The following COL21A1 variants were observed in gnomAD, a reference collection of about 807,000 sequenced individuals.
The protein encoded by COL21A1 is collagen type XXI alpha 1 chain.
Under a neutral mutation model 137.9 loss-of-function variants are expected in COL21A1, and 149 were observed. That is an observed-to-expected ratio of 1.08 (90% CI 0.95 to 1.24). COL21A1 has a LOEUF of 1.24. Among genes scored for constraint, COL21A1 ranks in the 50% most tolerant of loss-of-function variants. The pLI, the probability that COL21A1 is intolerant of heterozygous loss-of-function variation, is 0.00. For synonymous variants in COL21A1, 456 were observed against 391.5 expected (o/e 1.16, Z -1.95); for missense variants, 1,167 against 1,158.4 (o/e 1.01, Z -0.11).
At chr6:56,386,196 AC>A (rs1370841253) in intron 1 of COL21A1, among the ~76,000 whole-genome samples, 1 of 152,096 alleles carries the variant, frequency 6.6e-6, no homozygotes, top group African/African-American at 2.4e-5. Context: ...CAATCTGCCC[AC>A]CTCAGCCTGT....
chr6:56,345,365 C>CAT (rs34728216), intron 1 of COL21A1, among the ~76,000 whole-genome samples: 33,629 of 152,066 alleles, frequency 0.22, 5,478 homozygotes, highest in East Asian at 0.72. Flanking sequence ...GAGGGTCTAT[C>CAT]ATATACCAAG....
rs550884532 is a variant in COL21A1, at chr6:56,127,649, C to T, written c.1543-1500G>A. On this transcript the variant is annotated intron_variant, in intron 12 of 29. Coordinates refer to ENST00000244728, the MANE Select transcript of COL21A1 (RefSeq NM_030820.4). ...GATAATTTAGAATTTTTAAATCAGA[C>T]GTTTGAAGGCTCTGCTTCACTCAGT... 3.3e-5 allele frequency among the ~76,000 whole-genome samples: 5 copies of T among 152,230 alleles called. No individual in the cohort carries two copies. The East Asian group carries it at 9.6e-4, about 29-fold the overall frequency.
chr6:56,095,672 C>T (rs1020481730), intron 17 of COL21A1, among the ~76,000 whole-genome samples: 9 of 152,128 alleles, frequency 5.9e-5, no homozygotes, highest in African/African-American at 1.9e-4. Context: ...CTTTCTTCTG[C>T]CTCTATATTT....
chr6:56,379,546 A>ATC (rs2094005344), intron 1 of COL21A1, among the ~76,000 whole-genome samples: 1 of 152,224 alleles, frequency 6.6e-6, no homozygotes, highest in Non-Finnish European at 1.5e-5. Flanking sequence ...GAGAAGTAGG[A>ATC]TAAAGCAATA....
At chr6:56,178,080 C>G (rs1005347802) in intron 3 of COL21A1, among the ~76,000 whole-genome samples, 1 of 151,892 alleles carries the variant, frequency 6.6e-6, no homozygotes, top group Non-Finnish European at 1.5e-5. Context: ...ATGCATTTAC[C>G]AAAATACAGA....
chr6:56,203,631 T>G (rs1454768855), intron 1 of COL21A1, among the ~76,000 whole-genome samples: 1 of 152,192 alleles, frequency 6.6e-6, no homozygotes, highest in Non-Finnish European at 1.5e-5. Flanking sequence ...TTGAAAGGCT[T>G]CCATTGACTA....
At chr6:56,247,590 G>A (rs2152328271), upstream of COL21A1, 1 of 152,474 alleles carries the variant, frequency 6.6e-6, no homozygotes, top group Non-Finnish European at 1.5e-5. Flanking sequence ...CAGCCCCCTG[G>A]AGGCGGAGCC....
chr6:56,330,488 T>C (rs965411423), intron 1 of COL21A1, among the ~76,000 whole-genome samples: 16 of 152,230 alleles, frequency 1.1e-4, no homozygotes, highest in African/African-American at 3.6e-4. Context: ...ACTCCTCTGA[T>C]ATAAAGCCAA....
chr6:56,060,430 GA>G, intron 27 of COL21A1: 2 of 517,382 alleles, frequency 3.9e-6, no homozygotes, highest in Non-Finnish European at 3.3e-6. Context: ...TAAAATAGGG[GA>G]AAAAGTGAAA....
In COL21A1 at chr6:56,129,708, G is replaced by A. The variant is rs943873509; in HGVS notation, c.1543-3559C>T. ...TGTGTGTGTGTGTGTGTGAGAGAGA[G>A]AGAGAGAGAGAGAGACAGACAGACA... On this transcript the variant is annotated intron_variant, in intron 12 of 29. Transcript: ENST00000244728. Among the ~76,000 whole-genome samples, 523 of 150,422 alleles carry A rather than the reference G, an allele frequency of 3.5e-3. 6 individuals are homozygous for A. Among genetic ancestry groups the A allele is most frequent in the African/African-American group, 0.012 (500 of 40,872 alleles).
At chr6:56,112,210 C>G (rs912083460) in intron 16 of COL21A1, among the ~76,000 whole-genome samples, 4 of 151,972 alleles carry the variant, frequency 2.6e-5, no homozygotes, top group African/African-American at 9.7e-5. Flanking sequence ...ATAAATGGTG[C>G]TAGAATAACT....
chr6:56,285,346 T>G (rs9475652), intron 1 of COL21A1, among the ~76,000 whole-genome samples: 81,994 of 152,026 alleles, frequency 0.54, 24,218 homozygotes, highest in Non-Finnish European at 0.68. Context: ...AGTTAGCAAA[T>G]GTGATAGGTT....
chr6:56,073,259 T>G (rs1438909810), intron 20 of COL21A1, among the ~76,000 whole-genome samples: 1 of 151,466 alleles, frequency 6.6e-6, no homozygotes, highest in East Asian at 1.9e-4. Flanking sequence ...GCAAGTTCAG[T>G]CATTCCAGCA....
At chr6:56,145,492 A>G (rs1230633497) in intron 10 of COL21A1, among the ~76,000 whole-genome samples, 1 of 152,210 alleles carries the variant, frequency 6.6e-6, no homozygotes, top group East Asian at 1.9e-4. Context: ...TGGACTAAAA[A>G]CCAGGAAAAT....
chr6:56,128,008 C>T (rs974537875), intron 12 of COL21A1, among the ~76,000 whole-genome samples: 4 of 152,150 alleles, frequency 2.6e-5, no homozygotes, highest in African/African-American at 9.7e-5. Context: ...CATAAACAGG[C>T]TCCTCTCAGC....
Position 56,182,579 on chromosome 6 carries a change from G to A in COL21A1, c.40C>T (p.Leu14=). 1 of 1,605,938 alleles carries A rather than the reference G, an allele frequency of 6.2e-7. No homozygotes were observed. The highest frequency in any genetic ancestry group is 8.5e-7 in the Non-Finnish European group (1 of 1,175,390). The change falls in exon 2 of 30, where the codon CTG becomes TTG. Residue 14 remains leucine (L), a synonymous_variant. Coordinates refer to ENST00000244728, the MANE Select transcript of COL21A1 (RefSeq NM_030820.4). The stretch of plus-strand genomic sequence containing the variant: ...GCTAACACAGAATTCTGAAGAAGCA[G>A]CACCAAAACCATGCAGAGAAATGTA... ...YITFLCMVLV[L]LLQNSVLAED...
chr6:56,075,522 C>T lies in COL21A1; in HGVS notation c.1868G>A (p.Gly623Glu). The T allele has an allele frequency of 6.6e-7, 1 of 1,518,114 alleles. No homozygotes were observed. Among genetic ancestry groups the T allele is most frequent in the South Asian group, 1.3e-5 (1 of 77,726 alleles). The allele number at this position is 1,518,114 out of a possible 1,614,324, so 94.0% of individuals were successfully genotyped here. A position where few individuals can be genotyped will look rare whatever the true frequency, so the allele number is the denominator to read the frequency against. ...RGLMGQKGEI[G>E]PPGQQGKKGA... Reference sequence around the variant, plus strand: ...TTTTTTTCCTTGCTGTCCTGGAGGCCCAATTTCTCCCTAAAAAAATCAAAC... The same window carrying T: ...TTTTTTTCCTTGCTGTCCTGGAGGCTCAATTTCTCCCTAAAAAAATCAAAC... Residue 623 changes from glycine (G) to glutamate (E), a missense_variant, in exon 19 of 30, where the codon GGG becomes GAG. Gly to Glu is a moderately conservative substitution (Grantham distance 98). Coordinates refer to ENST00000244728, the MANE Select transcript of COL21A1 (RefSeq NM_030820.4).
chr6:56,390,198 GT>G (rs973224217), intron 1 of COL21A1, among the ~76,000 whole-genome samples: 1 of 140,226 alleles, frequency 7.1e-6, no homozygotes, highest in Non-Finnish European at 1.6e-5. Context: ...AAAGTGCAGA[GT>G]TTTTTTAGTT....
chr6:56,254,218 G>C (rs956676220), intron 1 of COL21A1, among the ~76,000 whole-genome samples: 2 of 152,188 alleles, frequency 1.3e-5, no homozygotes, highest in East Asian at 3.8e-4. Context: ...CTAGCTAAGA[G>C]ATGATTTCCT....
Sources: allele counts gnomAD v4.1 joint callset (sites outside exome capture counted in the v4.1 genomes callset), GRCh38; gene constraint gnomAD v4.1.1; transcripts MANE v1.5; gene names NCBI Gene and HGNC (gene_info 2026-07-23, HGNC 2026-07-21).